PTPRB: variants seen among roughly 807,000 people sequenced by gnomAD.
PTPRB encodes the protein receptor-type tyrosine-protein phosphatase beta.
In PTPRB, 97 loss-of-function variants were observed where a neutral mutation model predicts 238.1. That is an observed-to-expected ratio of 0.41 (90% CI 0.35 to 0.48). PTPRB has a LOEUF of 0.48. PTPRB is among the 20% of genes least tolerant of loss of function. The probability of loss-of-function intolerance (pLI) is 0.30; values close to 1 mark genes in which losing one functional copy is unlikely to be tolerated. For missense variants in PTPRB, 2,292 were observed against 2,681.9 expected, an observed-to-expected ratio of 0.85 and a Z score of 3.21; for synonymous variants, 970 against 995.4, an observed-to-expected ratio of 0.97 and a Z score of 0.48.
chr12:70,624,589 C>T (rs1592604639), intron 2 of PTPRB, among the ~76,000 whole-genome samples: 1 of 152,302 alleles, frequency 6.6e-6, no homozygotes, highest in Non-Finnish European at 1.5e-5. Context: ...CTTGAACGTT[C>T]CCTTAAGTAG....
intron 33 of PTPRB, among the ~76,000 whole-genome samples, chr12:70,523,115 G>A (rs1184357820): frequency 1.3e-5 from 2 of 152,002 alleles, no homozygotes; most frequent in Non-Finnish European, 1.5e-5. Flanking sequence ...ACCCACCTTG[G>A]CCTCCCAAAG....
At chr12:70,624,190 G>C (rs914667874) in intron 2 of PTPRB, among the ~76,000 whole-genome samples, 2 of 152,004 alleles carry the variant, frequency 1.3e-5, no homozygotes, top group African/African-American at 4.8e-5. Flanking sequence ...AGTATATTTA[G>C]TGTATCCCAC....
At chr12:70,568,901 T>C (rs1196567112) in intron 14 of PTPRB, among the ~76,000 whole-genome samples, 1 of 152,194 alleles carries the variant, frequency 6.6e-6, no homozygotes, top group Non-Finnish European at 1.5e-5. Context: ...AAGAGAACTA[T>C]AGTATGGCTA....
intron 7 of PTPRB, 60 bp from the exon 8 acceptor site, chr12:70,590,293 T>C (rs1193648128): frequency 4.8e-5 from 71 of 1,467,708 alleles, no homozygotes; most frequent in Non-Finnish European, 6.0e-5. Flanking sequence ...GGATACTCAT[T>C]TACTTTTCTT....
intron 21 of PTPRB, among the ~76,000 whole-genome samples, chr12:70,549,660 C>G (rs1217173907): frequency 2.6e-5 from 4 of 152,158 alleles, no homozygotes; most frequent in Admixed American, 6.5e-5. Context: ...TAATGACTGT[C>G]TTGAGACAGG....
intron 10 of PTPRB, among the ~76,000 whole-genome samples, chr12:70,580,806 G>T (rs1320684361): frequency 3.5e-5 from 5 of 142,958 alleles, no homozygotes; most frequent in Non-Finnish European, 7.5e-5. Context: ...CAACCAGAGC[G>T]AAATTCCGTC....
chr12:70,566,346 ATG>A, intron 15 of PTPRB, 87 bp downstream of exon 15: 1 of 1,442,338 alleles, frequency 6.9e-7, no homozygotes, highest in Non-Finnish European at 9.3e-7. Flanking sequence ...TCATCTCCCA[ATG>A]TTGCTTCATC....
chr12:70,547,950 T>A (rs1388444586), intron 21 of PTPRB, among the ~76,000 whole-genome samples: 3 of 152,208 alleles, frequency 2.0e-5, no homozygotes, highest in African/African-American at 7.2e-5. Flanking sequence ...CAGAAAGATA[T>A]GAACGAAAAC....
At position 70,555,315 on chromosome 12, in the gene PTPRB, A is replaced by T; in HGVS notation, c.4994-6T>A. The T allele has an allele frequency of 6.2e-7, 1 of 1,609,160 alleles. No individual in the cohort carries two copies. Among genetic ancestry groups the T allele is most frequent in the Non-Finnish European group, 8.5e-7 (1 of 1,178,064 alleles). Reference sequence around the variant, plus strand: ...TGGGGGTGGAGGAGGGGGGCCTGGAAAAAGAGGTGGGGAAGGAACCAAGAG... The same window carrying T: ...TGGGGGTGGAGGAGGGGGGCCTGGATAAAGAGGTGGGGAAGGAACCAAGAG... On this transcript the variant is annotated splice_region_variant and splice_polypyrimidine_tract_variant and intron_variant, in intron 19 of 33. Coordinates refer to ENST00000334414, the MANE Select transcript of PTPRB (RefSeq NM_001109754.4).
In PTPRB at chr12:70,546,004, G is replaced by A. The variant is rs1251956955; in HGVS notation, c.5388-1341C>T. Among the ~76,000 whole-genome samples, 6 of 152,212 alleles carry A rather than the reference G, an allele frequency of 3.9e-5. No individual in the cohort carries two copies. The East Asian group carries it at 1.2e-3, about 29-fold the overall frequency. On this transcript the variant is annotated intron_variant, in intron 21 of 33. Transcript: ENST00000334414. ...ATACAAAAATTAGCCAGGCATGGTG[G>A]CGGGCACCTGTAATCCTGGCTACTT...
intron 2 of PTPRB, among the ~76,000 whole-genome samples, chr12:70,624,212 T>C (rs1341331315): frequency 2.0e-5 from 3 of 152,182 alleles, no homozygotes. Context: ...TATACAATAA[T>C]ACAAGGATGA....
rs1267296305 is a variant in PTPRB at position 70,576,468 on chromosome 12, G to A, written c.2756C>T (p.Ser919Phe). Residue 919 changes from serine to phenylalanine, a missense_variant, in exon 11 of 34, where the codon TCC becomes TTC. Transcript: ENST00000334414. The stretch of plus-strand genomic sequence containing the variant: ...GGTGTAGAGGCGGCCTGGGGTGAGG[G>A]AGCTGAAGGAACATTCTCTGACAGA... The part of the protein sequence containing the change: ...AKSVRECSFS[S>F]LTPGRLYTVT... The A allele has an allele frequency of 6.3e-7, 1 of 1,594,660 alleles. No homozygotes were observed. Among genetic ancestry groups the A allele is most frequent in the Non-Finnish European group, 8.5e-7 (1 of 1,169,682 alleles).
chr12:70,615,909 C>T (rs2136563042), intron 3 of PTPRB, among the ~76,000 whole-genome samples: 1 of 152,256 alleles, frequency 6.6e-6, no homozygotes, highest in African/African-American at 2.4e-5. Flanking sequence ...TGCATATATC[C>T]TGAATTAAGT....
At chr12:70,580,018 A>T (rs1024423937) in intron 10 of PTPRB, among the ~76,000 whole-genome samples, 4 of 152,112 alleles carry the variant, frequency 2.6e-5, no homozygotes. Flanking sequence ...ACTAATAATT[A>T]TCAAAGCTTC....
rs772118984 is a variant in PTPRB, at chr12:70,592,372, T to C, written c.1690A>G (p.Lys564Glu). 7 of 1,613,968 alleles carry C rather than the reference T, an allele frequency of 4.3e-6. No individual in the cohort carries two copies. In the South Asian group the frequency reaches 7.7e-5, roughly 18 times the overall value. Residue 564 changes from lysine to glutamate, a missense_variant, in exon 7 of 34, where the codon AAA becomes GAA. Coordinates refer to ENST00000334414, the MANE Select transcript of PTPRB (RefSeq NM_001109754.4). ...LAPWITETHF[K>E]ELVPGRLYQV... Reference sequence around the variant, plus strand: ...TAAAGTCGACCGGGGACTAACTCTTTAAAGTGAGTTTCAGTAATCCAAGGT... The same window carrying C: ...TAAAGTCGACCGGGGACTAACTCTTCAAAGTGAGTTTCAGTAATCCAAGGT...
chr12:70,551,730 T>C (rs1282427195), intron 21 of PTPRB, among the ~76,000 whole-genome samples: 1 of 152,174 alleles, frequency 6.6e-6, no homozygotes, highest in Non-Finnish European at 1.5e-5. Context: ...GAAGTAATAA[T>C]GTTGGATGTC....
intron 18 of PTPRB, among the ~76,000 whole-genome samples, chr12:70,556,814 G>A (rs1877753675): frequency 6.6e-6 from 1 of 152,198 alleles, no homozygotes. Flanking sequence ...TAAGAATTAT[G>A]TCCTCCTCTG....
chr12:70,566,126 A>C (rs1033438150), intron 15 of PTPRB, among the ~76,000 whole-genome samples: 1 of 152,240 alleles, frequency 6.6e-6, no homozygotes, highest in Non-Finnish European at 1.5e-5. Flanking sequence ...TTCAGATTCT[A>C]ATCTTCAGGA....
intron 2 of PTPRB, among the ~76,000 whole-genome samples, chr12:70,633,356 C>T (rs1263310378): frequency 4.6e-5 from 7 of 152,128 alleles, no homozygotes; most frequent in Non-Finnish European, 7.4e-5. Context: ...GGGAGGATCA[C>T]TTGAGCCCAG....
Sources: gnomAD v4.1 joint callset for allele counts (sites outside exome capture counted in the v4.1 genomes callset) on GRCh38, gnomAD v4.1.1 for gene constraint, MANE v1.5 for transcripts, NCBI Gene and HGNC (gene_info 2026-07-23, HGNC 2026-07-21) for gene names.